Variants in MGAT4C observed in about 807,000 individuals in gnomAD.
MGAT4C encodes alpha-1,3-mannosyl-glycoprotein 4-beta-N-acetylglucosaminyltransferase C.
A neutral mutation model predicts 40.1 loss-of-function variants in MGAT4C; 19 were observed. That is an observed-to-expected ratio of 0.47 (90% CI 0.33 to 0.70). MGAT4C has a LOEUF of 0.70. MGAT4C is among the 30% of genes least tolerant of loss of function. The pLI is 0.02. For synonymous variants in MGAT4C, 181 were observed against 187.1 expected (o/e 0.97, Z 0.27); for missense variants, 491 against 563.2 (o/e 0.87, Z 1.30).
chr12:86,326,886 A>G (rs1415703394), intron 4 of MGAT4C, among the ~76,000 whole-genome samples: 1 of 152,172 alleles, frequency 6.6e-6, no homozygotes, highest in African/African-American at 2.4e-5. Flanking sequence ...AACAAAAATA[A>G]GACAATAAGC....
intron 2 of MGAT4C, among the ~76,000 whole-genome samples, chr12:86,684,686 A>G (rs1236812127): frequency 1.3e-5 from 2 of 152,168 alleles, no homozygotes; most frequent in Non-Finnish European, 2.9e-5. Context: ...CATCCTCTCC[A>G]GGATCTGTTG....
chr12:86,065,751 A>C (rs886262439), intron 1 of MGAT4C, among the ~76,000 whole-genome samples: 2 of 152,162 alleles, frequency 1.3e-5, no homozygotes, highest in Non-Finnish European at 2.9e-5. Flanking sequence ...TTCAATTAGG[A>C]AAAGAGGAGG....
chr12:86,430,185 T>A (rs561533681), intron 3 of MGAT4C, among the ~76,000 whole-genome samples: 1 of 152,328 alleles, frequency 6.6e-6, no homozygotes, highest in East Asian at 1.9e-4. Context: ...CATTTTATAT[T>A]CATATTTTCT....
intron 3 of MGAT4C, among the ~76,000 whole-genome samples, chr12:86,355,760 A>T (rs1955295511): frequency 6.6e-6 from 1 of 152,164 alleles, no homozygotes; most frequent in Non-Finnish European, 1.5e-5. Flanking sequence ...TAGTAAAAAA[A>T]TTTTTGAAAC....
At chr12:86,018,635 A>G (rs1434986437) in intron 2 of MGAT4C, among the ~76,000 whole-genome samples, 1 of 152,194 alleles carries the variant, frequency 6.6e-6, no homozygotes, top group African/African-American at 2.4e-5. Flanking sequence ...ATTGGGTACA[A>G]AAGTCTCAGA....
At chr12:85,986,583 A>G (rs2136705391) in intron 3 of MGAT4C, among the ~76,000 whole-genome samples, 1 of 152,320 alleles carries the variant, frequency 6.6e-6, no homozygotes, top group Admixed American at 6.5e-5. Context: ...CGAGAATAGA[A>G]TCTGTTAACT....
intron 2 of MGAT4C, among the ~76,000 whole-genome samples, chr12:86,042,485 C>T (rs1350030360): frequency 9.9e-5 from 15 of 152,066 alleles, no homozygotes; most frequent in Admixed American, 9.2e-4. Context: ...CCTTCAGGAC[C>T]TCTTGTACAA....
At chr12:86,609,397 G>A (rs890946764) in intron 2 of MGAT4C, among the ~76,000 whole-genome samples, 9 of 151,980 alleles carry the variant, frequency 5.9e-5, no homozygotes, top group Non-Finnish European at 8.8e-5. Flanking sequence ...CAAAATAACC[G>A]TGGAAGCTGC....
intron 2 of MGAT4C, among the ~76,000 whole-genome samples, chr12:85,999,208 C>T (rs1368578421): frequency 6.6e-6 from 1 of 152,104 alleles, no homozygotes; most frequent in East Asian, 1.9e-4. Context: ...ATTCCATTGC[C>T]TTTCACTGGC....
At chr12:86,744,100 C>T (rs993150065) in intron 1 of MGAT4C, among the ~76,000 whole-genome samples, 3 of 151,498 alleles carry the variant, frequency 2.0e-5, no homozygotes, top group Admixed American at 6.6e-5. Flanking sequence ...AAATTTACAG[C>T]GGGCTGAAGC....
intron 1 of MGAT4C, among the ~76,000 whole-genome samples, chr12:86,797,931 C>A (rs138341932): frequency 1.6e-4 from 24 of 151,976 alleles, no homozygotes; most frequent in African/African-American, 5.8e-4. Flanking sequence ...TTTATATACT[C>A]CTGAGTTGAT....
At chr12:86,155,442 ATACATTCG>A (rs200203202) in intron 1 of MGAT4C, among the ~76,000 whole-genome samples, 3 of 152,276 alleles carry the variant, frequency 2.0e-5, no homozygotes, top group East Asian at 1.9e-4. Context: ...TACAAAATAG[ATACATTCG>A]TAATGTGGTT....
chr12:86,057,475 G>A (rs1167202400), intron 1 of MGAT4C, among the ~76,000 whole-genome samples: 1 of 152,106 alleles, frequency 6.6e-6, no homozygotes, highest in Non-Finnish European at 1.5e-5. Flanking sequence ...CAACTACACT[G>A]AACTACCTGC....
At chr12:86,305,040 T>C (rs1025996307) in intron 4 of MGAT4C, among the ~76,000 whole-genome samples, 1 of 150,754 alleles carries the variant, frequency 6.6e-6, no homozygotes, top group Non-Finnish European at 1.5e-5. Context: ...TTGACAGATA[T>C]CTGGTCTTTA....
At chr12:86,408,505 A>T (rs1956533095) in intron 3 of MGAT4C, among the ~76,000 whole-genome samples, 1 of 139,834 alleles carries the variant, frequency 7.2e-6, no homozygotes, top group Non-Finnish European at 1.5e-5. Context: ...ATATATATAT[A>T]TATATATATT....
chr12:86,686,773 C>T (rs1049667554), intron 2 of MGAT4C, among the ~76,000 whole-genome samples: 6 of 152,160 alleles, frequency 3.9e-5, no homozygotes, highest in Admixed American at 2.0e-4. Context: ...TGATCTTCAT[C>T]GGAGATACTG....
intron 1 of MGAT4C, among the ~76,000 whole-genome samples, chr12:86,124,506 G>A (rs1486899362): frequency 6.6e-6 from 1 of 152,124 alleles, no homozygotes; most frequent in Non-Finnish European, 1.5e-5. Context: ...TTGTTTGTTG[G>A]TTGGTTTGGT....
At chr12:86,301,238 T>C (rs1440488145) in intron 4 of MGAT4C, among the ~76,000 whole-genome samples, 2 of 152,194 alleles carry the variant, frequency 1.3e-5, no homozygotes. Flanking sequence ...TGAAAGAGTC[T>C]TGTAATTACT....
chr12:86,356,295 A>T (rs1025669858), intron 3 of MGAT4C, among the ~76,000 whole-genome samples: 6 of 152,326 alleles, frequency 3.9e-5, no homozygotes, highest in African/African-American at 1.4e-4. Flanking sequence ...AAAACAGTAA[A>T]TTTAATCTAA....
Sources: allele counts gnomAD v4.1 joint callset (sites outside exome capture counted in the v4.1 genomes callset), GRCh38; gene constraint gnomAD v4.1.1; transcripts MANE v1.5; gene names NCBI Gene and HGNC (gene_info 2026-07-23, HGNC 2026-07-21).